Variants in CDK8 observed in about 807,000 individuals in gnomAD.
CDK8 encodes the protein cyclin dependent kinase 8, also known as cyclin-dependent kinase 8.
Under a neutral mutation model 71.5 loss-of-function variants are expected in CDK8, and 29 were observed. The ratio of observed to expected loss-of-function variants is 0.41; its 90% CI spans 0.30 to 0.55. The LOEUF (loss-of-function observed/expected upper bound fraction) is 0.55. CDK8 is among the 20% of genes least tolerant of loss of function. CDK8 has a pLI of 0.37. For missense variants in CDK8, 288 were observed against 572.6 expected (o/e 0.50, Z 5.07); for synonymous variants, 161 against 192.1 (o/e 0.84, Z 1.34).
chr13:26,272,996 T>G (rs1872401493), intron 1 of CDK8, among the ~76,000 whole-genome samples: 1 of 152,246 alleles, frequency 6.6e-6, no homozygotes. Flanking sequence ...GTATCTATTT[T>G]TGCTTTTGTG....
intron 1 of CDK8, among the ~76,000 whole-genome samples, chr13:26,286,328 G>A (rs756815254): frequency 1.3e-5 from 2 of 152,164 alleles, no homozygotes; most frequent in Non-Finnish European, 2.9e-5. Flanking sequence ...TAGACCAATG[G>A]AACAGATGAG....
At chr13:26,285,937 C>G (rs1175701) in intron 1 of CDK8, among the ~76,000 whole-genome samples, 144,118 of 152,288 alleles carry the variant, frequency 0.95, 68,237 homozygotes, top group East Asian at 1. Flanking sequence ...AAAATACTTA[C>G]GAATATACCT....
chr13:26,282,766 T>C (rs948492526), intron 1 of CDK8, among the ~76,000 whole-genome samples: 1 of 152,130 alleles, frequency 6.6e-6, no homozygotes, highest in Non-Finnish European at 1.5e-5. Flanking sequence ...AAAATACATA[T>C]AATGGCAGAA....
chr13:26,335,705 A>G (rs543209370), intron 1 of CDK8, among the ~76,000 whole-genome samples: 1 of 152,248 alleles, frequency 6.6e-6, no homozygotes, highest in Admixed American at 6.5e-5. Context: ...CCTTACCCAC[A>G]GTAGTCAATC....
At chr13:26,268,653 G>A (rs907264089) in intron 1 of CDK8, among the ~76,000 whole-genome samples, 39 of 151,932 alleles carry the variant, frequency 2.6e-4, no homozygotes, top group African/African-American at 9.4e-4. Context: ...TAGATTACTG[G>A]TGGGGATTAA....
At chr13:26,271,801 C>T (rs1228916008) in intron 1 of CDK8, among the ~76,000 whole-genome samples, 2 of 118,948 alleles carry the variant, frequency 1.7e-5, no homozygotes, top group African/African-American at 6.4e-5. Context: ...AGAGTGAGAC[C>T]CTGTCTTTTT....
At chr13:26,288,340 CAGTTTTTTACATTTAG>C (rs1339989259) in intron 1 of CDK8, among the ~76,000 whole-genome samples, 13 of 152,102 alleles carry the variant, frequency 8.5e-5, no homozygotes, top group African/African-American at 2.7e-4. Flanking sequence ...TGTAAGGTTA[CAGTTTTTTACATTTAG>C]AGTTTTTTAC....
At chr13:26,321,565 A>G (rs1046397577) in intron 1 of CDK8, among the ~76,000 whole-genome samples, 1 of 152,318 alleles carries the variant, frequency 6.6e-6, no homozygotes, top group Admixed American at 6.5e-5. Flanking sequence ...CAATTAAAAA[A>G]TGGAAAAAAA....
intron 1 of CDK8, among the ~76,000 whole-genome samples, chr13:26,330,010 T>TC: frequency 6.6e-6 from 1 of 152,264 alleles, no homozygotes; most frequent in East Asian, 1.9e-4. Context: ...CCCCAGGGCC[T>TC]CCCTCTCTTC....
At chr13:26,351,164 T>C (rs1277413745) in intron 3 of CDK8, among the ~76,000 whole-genome samples, 1 of 152,132 alleles carries the variant, frequency 6.6e-6, no homozygotes, top group African/African-American at 2.4e-5. Context: ...TCATTAAGAA[T>C]TACTATACTC....
At chr13:26,352,074 C>T (rs1219658678) in intron 3 of CDK8, among the ~76,000 whole-genome samples, 1 of 151,470 alleles carries the variant, frequency 6.6e-6, no homozygotes, top group Admixed American at 6.6e-5. Flanking sequence ...ACCTCTCCTA[C>T]ATATTTGTTC....
intron 1 of CDK8, among the ~76,000 whole-genome samples, chr13:26,315,052 C>T (rs1024629078): frequency 1.4e-4 from 22 of 151,944 alleles, no homozygotes; most frequent in African/African-American, 5.1e-4. Context: ...TAATTTTTCC[C>T]ACTACCTTTA....
intron 1 of CDK8, among the ~76,000 whole-genome samples, chr13:26,269,879 T>A (rs180909740): frequency 1.3e-3 from 204 of 152,288 alleles, no homozygotes; most frequent in Non-Finnish European, 2.4e-3. Flanking sequence ...TTTATTTATT[T>A]ATTTTTTAGA....
intron 1 of CDK8, among the ~76,000 whole-genome samples, chr13:26,282,918 C>G (rs1008735261): frequency 2.6e-5 from 4 of 152,132 alleles, no homozygotes; most frequent in African/African-American, 9.7e-5. Flanking sequence ...AATAGCTATT[C>G]TTATATCAGA....
At chr13:26,318,796 A>G (rs1336363850) in intron 1 of CDK8, among the ~76,000 whole-genome samples, 1 of 152,156 alleles carries the variant, frequency 6.6e-6, no homozygotes, top group Non-Finnish European at 1.5e-5. Context: ...CAAATTATAA[A>G]TGAAAGGAAA....
chr13:26,313,892 T>C (rs1163986598), intron 1 of CDK8, among the ~76,000 whole-genome samples: 1 of 152,012 alleles, frequency 6.6e-6, no homozygotes, highest in Non-Finnish European at 1.5e-5. Context: ...AATAGATAGA[T>C]GGAATAAAGG....
intron 3 of CDK8, among the ~76,000 whole-genome samples, chr13:26,349,415 A>G (rs1873595331): frequency 6.6e-6 from 1 of 152,266 alleles, no homozygotes; most frequent in South Asian, 2.1e-4. Flanking sequence ...GAATCTAAAG[A>G]GTGTTCAACA....
chr13:26,391,309 G>A (rs999515310), intron 6 of CDK8, among the ~76,000 whole-genome samples: 1 of 152,086 alleles, frequency 6.6e-6, no homozygotes, highest in African/African-American at 2.4e-5. Flanking sequence ...GTCTTGCTAT[G>A]TTGTCAAGGC....
chr13:26,404,111 T>A lies in CDK8; in HGVS notation c.*30T>A. The A allele has an allele frequency of 6.2e-7, 1 of 1,612,156 alleles. No individual in the cohort carries two copies. Among genetic ancestry groups the A allele is most frequent in the Non-Finnish European group, 8.5e-7 (1 of 1,178,986 alleles). ...CATCGGAATCTTGTCCATGCACTGTTGCGAATGCTGCAGGGCTGACTGTGC... is the reference window on the plus strand; with the variant it reads ...CATCGGAATCTTGTCCATGCACTGTAGCGAATGCTGCAGGGCTGACTGTGC... On this transcript the variant is annotated 3_prime_UTR_variant, in exon 13 of 13. Transcript: ENST00000381527.
Sources: gnomAD v4.1 joint callset for allele counts (sites outside exome capture counted in the v4.1 genomes callset) on GRCh38, gnomAD v4.1.1 for gene constraint, MANE v1.5 for transcripts, NCBI Gene and HGNC (gene_info 2026-07-23, HGNC 2026-07-21) for gene names.